The following THUMPD3 variants were observed in gnomAD, a reference collection of about 807,000 sequenced individuals.
The protein encoded by THUMPD3 is THUMP domain 3 tRNA guanosine methyltransferase, also known as tRNA (guanine(6)-N(2))-methyltransferase THUMP3.
A neutral mutation model predicts 54.5 loss-of-function variants in THUMPD3; 44 were observed. The ratio of observed to expected loss-of-function variants is 0.81; its 90% confidence interval spans 0.63 to 1.04. The LOEUF is 1.04. Among genes scored for constraint, THUMPD3 ranks in the 50% least tolerant of loss-of-function variants. The pLI is 0.00. For synonymous variants in THUMPD3, 196 were observed against 201.4 expected (o/e 0.97, Z 0.23); for missense variants, 604 against 601.3 (o/e 1.00, Z -0.05).
chr3:9,385,585 G>A lies in THUMPD3; in HGVS notation c.*897G>A, dbSNP rs1190417776. The A allele has an allele frequency of 6.6e-6, 1 of 152,170 alleles. No individual in the cohort carries two copies. The highest frequency in any genetic ancestry group is 2.4e-5 in the African/African-American group (1 of 41,438). The allele number at this position is 152,170 out of a possible 1,614,324, so 9.4% of individuals were successfully genotyped here. On this transcript the variant is annotated 3_prime_UTR_variant, in exon 10 of 10. Transcript: ENST00000452837. The stretch of plus-strand genomic sequence containing the variant: ...ACACAGAATGAAAATAGAGGTCTAG[G>A]AATTATCAAAGGTACTGCAAAAATA...
rs548981571 is a variant in THUMPD3 at position 9,372,553 on chromosome 3, G to A, written c.807+1017G>A. On this transcript the variant is annotated intron_variant, in intron 4 of 9. Transcript: ENST00000452837. ...CAAGATCATGCCACTGCACTTCAGC[G>A]TGGGTGACAGAGCAAGACTCCATCT... 6.6e-5 allele frequency among the ~76,000 whole-genome samples: 10 copies of A among 151,620 alleles called. No homozygotes were observed. The South Asian group carries it at 1.5e-3, about 22-fold the overall frequency.
intron 3 of THUMPD3, among the ~76,000 whole-genome samples, chr3:9,367,648 C>T (rs1033524317): frequency 9.9e-5 from 15 of 152,164 alleles, no homozygotes; most frequent in African/African-American, 1.4e-4. Flanking sequence ...AACTGTGATA[C>T]GCTACCTAAT....
chr3:9,381,150 T>G (rs527795534), intron 7 of THUMPD3, among the ~76,000 whole-genome samples: 1 of 152,300 alleles, frequency 6.6e-6, no homozygotes, highest in East Asian at 1.9e-4. Context: ...TCCAGGCTGG[T>G]GTCAAACTCC....
chr3:9,365,118 A>G lies in THUMPD3; in HGVS notation c.50A>G (p.His17Arg), dbSNP rs751102304. The G allele has an allele frequency of 5.0e-6, 8 of 1,614,126 alleles. No individual in the cohort carries two copies. In the South Asian group the frequency reaches 8.8e-5, roughly 18 times the overall value. The change falls in exon 2 of 10, where the codon CAT becomes CGT. Residue 17 changes from histidine (H) to arginine (R), a missense_variant. Physicochemically the swap from His to Arg is conservative, Grantham distance 29 (BLOSUM62 0). Transcript: ENST00000452837. ...ATNQLLDVNL[H>R]ENQKSVQVTE... ...AACCAACTCCTAGATGTGAACCTTCATGAGAACCAGAAGTCTGTACAAGTG... is the reference window on the plus strand; with the variant it reads ...AACCAACTCCTAGATGTGAACCTTCGTGAGAACCAGAAGTCTGTACAAGTG...
chr3:9,383,048 G>T, intron 7 of THUMPD3, 151 bp from the exon 8 acceptor site: 1 of 535,544 alleles, frequency 1.9e-6, no homozygotes, highest in Non-Finnish European at 3.4e-6. Flanking sequence ...TTACCTTTGT[G>T]CCATTTCTTA....
intron 5 of THUMPD3, among the ~76,000 whole-genome samples, 199 bp downstream of exon 5, chr3:9,374,845 T>C (rs2032337370): frequency 6.6e-6 from 1 of 152,172 alleles, no homozygotes; most frequent in East Asian, 1.9e-4. Flanking sequence ...TACTGCTTAA[T>C]AGGTGGCTCA....
At position 9,371,210 on chromosome 3, in the gene THUMPD3, G is replaced by T; in HGVS notation, c.481G>T (p.Gly161Ter). ...QNSSKEKINN[G>*]QEVKIDQRNV... is the part of the protein sequence containing the mutation. ...TTCAAGTAAAGAGAAGATTAATAAT[G>T]GACAAGAAGTCAAAATCGATCAGAG... Residue 161 changes from glycine (G) to a stop codon, truncating the protein, a stop_gained, in exon 4 of 10, where the codon GGA (glycine) becomes TGA (stop). Transcript: ENST00000452837. LOFTEE classifies it high-confidence loss of function. 6.2e-7 allele frequency: 1 copy of T among 1,610,936 alleles called. No homozygotes were observed. The highest frequency in any genetic ancestry group is 1.1e-5 in the South Asian group (1 of 89,812).
In THUMPD3 at chr3:9,384,732, G is replaced by C. The variant is rs749788042; in HGVS notation, c.*44G>C. The C allele has an allele frequency of 1.9e-6, 3 of 1,606,788 alleles. No individual in the cohort carries two copies. Among genetic ancestry groups the C allele is most frequent in the Admixed American group, 3.4e-5 (2 of 59,484 alleles). Reference sequence around the variant, plus strand: ...GTACTTCCCACCACTGGAAATGTTAGCATAAAAGAACTTGGAGAGGAAAAA... The same window carrying C: ...GTACTTCCCACCACTGGAAATGTTACCATAAAAGAACTTGGAGAGGAAAAA... On this transcript the variant is annotated 3_prime_UTR_variant, in exon 10 of 10. Transcript: ENST00000452837.
chr3:9,383,326 C>T lies in THUMPD3; in HGVS notation c.1235+17C>T. On this transcript the variant is annotated intron_variant, in intron 8 of 9. Coordinates refer to ENST00000452837, the MANE Select transcript of THUMPD3 (RefSeq NM_001114092.2). ...TGGAAAAAGGTGAGAAATACTAGTA[C>T]CTGCTTGTCTTCTAAATATGTCATT... The T allele has an allele frequency of 6.6e-7, 1 of 1,523,928 alleles. No homozygotes were observed. The highest frequency in any genetic ancestry group is 9.1e-7 in the Non-Finnish European group (1 of 1,098,478). The allele number at this position is 1,523,928 out of a possible 1,614,324, so 94.4% of individuals were successfully genotyped here. A position where few individuals can be genotyped will look rare whatever the true frequency, so the allele number is the denominator to read the frequency against.
intron 6 of THUMPD3, among the ~76,000 whole-genome samples, chr3:9,379,307 G>T (rs902263859): frequency 6.6e-6 from 1 of 152,040 alleles, no homozygotes; most frequent in Admixed American, 6.6e-5. Flanking sequence ...CAAAATTCTG[G>T]GATACTTCAA....
chr3:9,382,441 T>C (rs1008566040), intron 7 of THUMPD3, among the ~76,000 whole-genome samples: 1 of 152,166 alleles, frequency 6.6e-6, no homozygotes, highest in Non-Finnish European at 1.5e-5. Context: ...TTGTTTTATA[T>C]AGCATGGCAC....
chr3:9,374,399 T>C (rs2032301850), intron 4 of THUMPD3, 117 bp from the exon 5 acceptor site: 1 of 1,252,604 alleles, frequency 8.0e-7, no homozygotes, highest in African/African-American at 1.5e-5. Flanking sequence ...CTCCCAGGAG[T>C]AGGGGACCAA....
At chr3:9,370,720 A>C (rs1339845381) in intron 3 of THUMPD3, among the ~76,000 whole-genome samples, 2 of 152,244 alleles carry the variant, frequency 1.3e-5, no homozygotes, top group African/African-American at 4.8e-5. Context: ...TGCTGGGATT[A>C]CAGGCATGAG....
intron 6 of THUMPD3, 106 bp from the exon 7 acceptor site, chr3:9,380,397 A>G (rs1252285660): frequency 1.4e-6 from 1 of 718,672 alleles, no homozygotes; most frequent in Non-Finnish European, 2.3e-6. Context: ...ACAACATGCA[A>G]TGTTTTGCCA....
intron 7 of THUMPD3, among the ~76,000 whole-genome samples, chr3:9,382,718 G>A (rs1207400983): frequency 6.6e-6 from 1 of 152,132 alleles, no homozygotes; most frequent in Non-Finnish European, 1.5e-5. Flanking sequence ...TTACAATCAT[G>A]TTTTCAGTTT....
intron 5 of THUMPD3, among the ~76,000 whole-genome samples, chr3:9,375,716 A>C (rs1253307018): frequency 6.6e-6 from 1 of 152,218 alleles, no homozygotes; most frequent in African/African-American, 2.4e-5. Flanking sequence ...CATGGAGTGT[A>C]CCTACACAAA....
intron 3 of THUMPD3, among the ~76,000 whole-genome samples, chr3:9,370,388 A>G (rs1378010261): frequency 6.6e-6 from 1 of 152,232 alleles, no homozygotes; most frequent in Non-Finnish European, 1.5e-5. Flanking sequence ...TGGGTATAAA[A>G]TTTGGAGTTA....
intron 5 of THUMPD3, among the ~76,000 whole-genome samples, chr3:9,377,145 T>C (rs892564649): frequency 2.0e-5 from 3 of 152,182 alleles, no homozygotes; most frequent in Admixed American, 6.5e-5. Context: ...TTTGAGTCTT[T>C]TTAATGTAAT....
intron 8 of THUMPD3, among the ~76,000 whole-genome samples, 194 bp downstream of exon 8, chr3:9,383,503 A>G (rs570266966): frequency 2.6e-5 from 4 of 152,302 alleles, no homozygotes; most frequent in South Asian, 4.1e-4. Context: ...AATCCTGACC[A>G]TCATGGGAGG....
Sources: allele counts gnomAD v4.1 joint callset (sites outside exome capture counted in the v4.1 genomes callset), GRCh38; gene constraint gnomAD v4.1.1; transcripts MANE v1.5; gene names NCBI Gene and HGNC (gene_info 2026-07-23, HGNC 2026-07-21).